Variants in AATK observed in about 807,000 individuals in gnomAD.
AATK encodes serine/threonine-protein kinase LMTK1.
In AATK, 91 loss-of-function variants were observed where a neutral mutation model predicts 114.3. That is an observed-to-expected ratio of 0.80 (90% CI 0.67 to 0.95). The LOEUF is 0.95. Among genes scored for constraint, AATK ranks in the 40% least tolerant of loss-of-function variants. The pLI, the probability that AATK is intolerant of heterozygous loss-of-function variation, is 0.00. For missense variants in AATK, 2,176 were observed against 1,965.2 expected (o/e 1.11, Z -2.03); for synonymous variants, 1,075 against 916.5 (o/e 1.17, Z -3.12).
At chr17:81,118,532 C>A in intron 13 of AATK, 90 bp from the exon 14 acceptor site, 1 of 1,381,664 alleles carries the variant, frequency 7.2e-7, no homozygotes, top group Non-Finnish European at 1.0e-6. Context: ...ATCCCTGGCC[C>A]ACATACAGGC....
intron 1 of AATK, among the ~76,000 whole-genome samples, chr17:81,162,845 G>A (rs1367287553): frequency 6.6e-6 from 1 of 152,126 alleles, no homozygotes; most frequent in African/African-American, 2.4e-5. Context: ...GTTGGGGGGT[G>A]GCAAATCCAG....
intron 1 of AATK, among the ~76,000 whole-genome samples, chr17:81,165,277 TG>T (rs1555603907): frequency 6.6e-6 from 1 of 152,146 alleles, no homozygotes; most frequent in Non-Finnish European, 1.5e-5. Flanking sequence ...CAGGCAGCCA[TG>T]GGTAATCTCG....
At chr17:81,123,527 C>A (rs966939660) in intron 9 of AATK, among the ~76,000 whole-genome samples, 184 bp from the exon 10 acceptor site, 11 of 152,182 alleles carry the variant, frequency 7.2e-5, no homozygotes, top group African/African-American at 2.7e-4. Flanking sequence ...GCAATGTGCA[C>A]CCTGCCAGGC....
intron 9 of AATK, among the ~76,000 whole-genome samples, chr17:81,124,237 TG>T (rs2060755991): frequency 6.6e-6 from 1 of 151,690 alleles, no homozygotes; most frequent in Non-Finnish European, 1.5e-5. Context: ...ACCACTCCCC[TG>T]GCGGCTCGGC....
chr17:81,138,859 GCA>G (rs1041915501), intron 1 of AATK, among the ~76,000 whole-genome samples: 1 of 149,420 alleles, frequency 6.7e-6, no homozygotes, highest in Middle Eastern at 3.6e-3. Context: ...CAGATAACAC[GCA>G]CACATGTGCA....
intron 2 of AATK, chr17:81,131,779 C>A (rs1200207483): frequency 2.4e-6 from 3 of 1,229,862 alleles, no homozygotes; most frequent in East Asian, 5.8e-5. Flanking sequence ...AATTCCATCA[C>A]CCCCTGCCCC....
At chr17:81,154,811 G>A (rs2061341588) in intron 1 of AATK, among the ~76,000 whole-genome samples, 1 of 110,784 alleles carries the variant, frequency 9.0e-6, no homozygotes. Context: ...TGTATTTTTA[G>A]TAGAGACGGG....
chr17:81,122,384 C>A lies in AATK; in HGVS notation c.1552G>T (p.Val518Leu), dbSNP rs2060710947. The A allele has an allele frequency of 6.7e-7, 1 of 1,489,436 alleles. No homozygotes were observed. The highest frequency in any genetic ancestry group is 8.9e-7 in the Non-Finnish European group (1 of 1,123,802). 92.3% of individuals were successfully genotyped at this position (1,489,436 alleles called of 1,614,324 possible). Residue 518 changes from valine (V) to leucine (L), a missense_variant, in exon 11 of 14, where the codon GTG becomes TTG. Val to Leu is a conservative substitution (Grantham distance 32, BLOSUM62 1). Coordinates refer to ENST00000326724, the MANE Select transcript of AATK (RefSeq NM_001080395.3). ...AGCGACGGGCTGTGCGCGCTGAGCACCGGAACCACGCCCGGGGGCGCGCCG... is the reference window on the plus strand; with the variant it reads ...AGCGACGGGCTGTGCGCGCTGAGCAACGGAACCACGCCCGGGGGCGCGCCG... ...PDGAPPGVVP[V>L]LSAHSPSLGS...
At position 81,126,222 on chromosome 17, in the gene AATK, C is replaced by G. The variant is rs905688909; in HGVS notation, c.755+205G>C. ...GACAGTACGCATCTCTTCGTCTAAACCTGCAAAGTGGGTGTCAAACCATTG... is the reference window on the plus strand; with the variant it reads ...GACAGTACGCATCTCTTCGTCTAAAGCTGCAAAGTGGGTGTCAAACCATTG... On this transcript the variant is annotated intron_variant, in intron 7 of 13. Transcript: ENST00000326724. This position sits in a 1 kb window ranked among gnomAD's most constrained non-coding sequence, Gnocchi z 5.1. Among the ~76,000 whole-genome samples the G allele has an allele frequency of 6.6e-6, 1 of 152,210 alleles. No homozygotes were observed. Among genetic ancestry groups the G allele is most frequent in the Non-Finnish European group, 1.5e-5 (1 of 68,032 alleles).
chr17:81,164,461 CT>C (rs1199731737), intron 1 of AATK, among the ~76,000 whole-genome samples: 1 of 152,238 alleles, frequency 6.6e-6, no homozygotes, highest in Non-Finnish European at 1.5e-5. Context: ...AGAGACGCCC[CT>C]TGCCTCCAAC....
chr17:81,118,983 C>G (rs2060622056), intron 13 of AATK, among the ~76,000 whole-genome samples: 1 of 152,176 alleles, frequency 6.6e-6, no homozygotes, highest in African/African-American at 2.4e-5. Context: ...GGCTCAGGCC[C>G]CCAGCAGGGC....
rs952862877 is a variant in AATK at position 81,130,555 on chromosome 17, G to A, written c.334+506C>T. Among the ~76,000 whole-genome samples the A allele has an allele frequency of 2.6e-5, 4 of 152,078 alleles. No individual in the cohort carries two copies. In the South Asian group the frequency reaches 8.3e-4, roughly 31 times the overall value. On this transcript the variant is annotated intron_variant, in intron 3 of 13. Coordinates refer to ENST00000326724, the MANE Select transcript of AATK (RefSeq NM_001080395.3). ...AGGCTAATTCACCACCCGCCCACAC[G>A]GGCCCCACCAGCGCCCCTCCTCCTG...
At chr17:81,120,114 G>A (rs761829409) in intron 11 of AATK, 31 bp from the exon 12 acceptor site, 11 of 1,466,850 alleles carry the variant, frequency 7.5e-6, no homozygotes, top group African/African-American at 1.4e-5. Context: ...CAGGTAGCTC[G>A]GCCGCCAGGA....
chr17:81,124,648 C>T (rs2060771303), intron 9 of AATK, 79 bp downstream of exon 9: 1 of 1,578,340 alleles, frequency 6.3e-7, no homozygotes. Flanking sequence ...GACCTCACTA[C>T]TCATGGCCAT....
chr17:81,122,140 A>G lies in AATK; in HGVS notation c.1796T>C (p.Leu599Ser). The G allele has an allele frequency of 6.5e-7, 1 of 1,528,982 alleles. No homozygotes were observed. 94.7% of individuals were successfully genotyped at this position (1,528,982 alleles called of 1,614,324 possible). A position where few individuals can be genotyped will look rare whatever the true frequency, so the allele number is the denominator to read the frequency against. ...TGAGGGGCAGAGCGGGTCCCGCGCC[A>G]AGCTTCTGCGAGGGTAGTGGTCGCC... is the stretch of plus-strand genomic sequence containing the variant. Reference protein sequence around the residue: ...GRGDHYPRRSLARDPLCPSRS... With the variant: ...GRGDHYPRRSSARDPLCPSRS... Residue 599 changes from leucine to serine, a missense_variant, in exon 11 of 14, where the codon TTG becomes TCG. Leu to Ser is a moderately radical substitution (Grantham distance 145). Transcript: ENST00000326724.
chr17:81,118,285 G>T lies in AATK; in HGVS notation c.*117C>A. 1.8e-6 allele frequency: 2 copies of T among 1,111,650 alleles called. No homozygotes were observed. Among genetic ancestry groups the T allele is most frequent in the Non-Finnish European group, 2.6e-6 (2 of 767,388 alleles). The allele number at this position is 1,111,650 out of a possible 1,614,324, so 68.9% of individuals were successfully genotyped here. A position where few individuals can be genotyped will look rare whatever the true frequency, so the allele number is the denominator to read the frequency against. On this transcript the variant is annotated 3_prime_UTR_variant, in exon 14 of 14. Transcript: ENST00000326724. ...GACACCGCGTGGGGCAGAGGCACCTGAATCTGCTGCCAACAGCCACCAGGA... is the reference window on the plus strand; with the variant it reads ...GACACCGCGTGGGGCAGAGGCACCTTAATCTGCTGCCAACAGCCACCAGGA...
chr17:81,138,628 C>T (rs2061067827), intron 1 of AATK, among the ~76,000 whole-genome samples: 1 of 141,066 alleles, frequency 7.1e-6, no homozygotes, highest in Non-Finnish European at 1.6e-5. Flanking sequence ...CATACCCACA[C>T]ACATATCCAC....
chr17:81,137,990 A>G (rs1299419738), intron 1 of AATK, among the ~76,000 whole-genome samples: 4 of 151,258 alleles, frequency 2.6e-5, no homozygotes, highest in Non-Finnish European at 3.0e-5. Flanking sequence ...ACACGCGTGC[A>G]CACACCCCCA....
chr17:81,136,986 G>A (rs182322415), intron 1 of AATK, among the ~76,000 whole-genome samples: 67 of 152,248 alleles, frequency 4.4e-4, no homozygotes, highest in African/African-American at 1.5e-3. Context: ...TGCCGGGCGC[G>A]GTGGCTCATG....
Sources: allele counts gnomAD v4.1 joint callset (sites outside exome capture counted in the v4.1 genomes callset), GRCh38; gene constraint gnomAD v4.1.1; non-coding constraint Gnocchi (gnomAD v3.1); transcripts MANE v1.5; gene names NCBI Gene and HGNC (gene_info 2026-07-23, HGNC 2026-07-21).